ASB4: variants seen among roughly 807,000 people sequenced by gnomAD.
The protein encoded by ASB4 is ankyrin repeat and SOCS box protein 4.
ASB4 carries 35 observed loss-of-function variants against 38.6 expected under a neutral mutation model. That is an observed-to-expected ratio of 0.91 (90% CI 0.69 to 1.20). ASB4 has a LOEUF of 1.20. Among genes scored for constraint, ASB4 ranks in the 50% most tolerant of loss-of-function variants. The probability of loss-of-function intolerance (pLI) is 0.00; values close to 1 mark genes in which losing one functional copy is unlikely to be tolerated. For missense variants in ASB4, 557 were observed against 527.2 expected (o/e 1.06, Z -0.55); for synonymous variants, 195 against 201.3 (o/e 0.97, Z 0.26).
At chr7:95,535,730 A>G (rs976172957) in intron 3 of ASB4, among the ~76,000 whole-genome samples, 12 of 152,216 alleles carry the variant, frequency 7.9e-5, no homozygotes, top group Non-Finnish European at 1.5e-4. Context: ...GAGTGTGCTA[A>G]GAGCTAACTG....
intron 1 of ASB4, among the ~76,000 whole-genome samples, chr7:95,479,028 C>G (rs1008333740): frequency 2.0e-5 from 3 of 152,180 alleles, no homozygotes; most frequent in African/African-American, 7.2e-5. Flanking sequence ...TCAGCAAGGT[C>G]TTCTGCCCTT....
At chr7:95,524,519 A>G (rs1394805557) in intron 2 of ASB4, among the ~76,000 whole-genome samples, 12 of 152,060 alleles carry the variant, frequency 7.9e-5, no homozygotes, top group Non-Finnish European at 1.5e-5. Flanking sequence ...GTACATATAT[A>G]TTTTATATAC....
intron 2 of ASB4, among the ~76,000 whole-genome samples, chr7:95,515,049 C>T (rs1392605032): frequency 1.3e-5 from 2 of 152,152 alleles, no homozygotes; most frequent in Non-Finnish European, 2.9e-5. Context: ...CAACTGTGGT[C>T]CTCCACACAC....
chr7:95,486,195 A>T (rs1261760574), intron 1 of ASB4, 37 bp downstream of exon 1: 2 of 1,539,862 alleles, frequency 1.3e-6, no homozygotes, highest in Non-Finnish European at 1.8e-6. Flanking sequence ...AACTGTTAGA[A>T]AATGATTTAA....
intron 2 of ASB4, among the ~76,000 whole-genome samples, chr7:95,500,568 C>T (rs1407087533): frequency 2.4e-5 from 1 of 41,014 alleles, no homozygotes; most frequent in Non-Finnish European, 4.4e-5. Flanking sequence ...AGATCTGTCT[C>T]AAAAAAAAAA....
intron 2 of ASB4, chr7:95,496,275 A>T (rs967597319): frequency 5.5e-5 from 26 of 470,740 alleles, no homozygotes; most frequent in African/African-American, 4.8e-4. Flanking sequence ...TCATTCATTT[A>T]CTCATTTACT....
chr7:95,537,624 G>A lies in ASB4; in HGVS notation c.1146G>A (p.Arg382=). 1 of 1,612,750 alleles carries A rather than the reference G, an allele frequency of 6.2e-7. No homozygotes were observed. Among genetic ancestry groups the A allele is most frequent in the Non-Finnish European group, 8.5e-7 (1 of 1,179,184 alleles). The change falls in exon 5 of 5, where the codon AGG becomes AGA. Residue 382 remains arginine (R), a synonymous_variant. Transcript: ENST00000325885. ...TTACTGTGTGCTGTAACTCTCCAAGGACTCTCATGCACTTATCGAGATGTG... is the reference window on the plus strand; with the variant it reads ...TTACTGTGTGCTGTAACTCTCCAAGAACTCTCATGCACTTATCGAGATGTG... ...SLFTVCCNSP[R]TLMHLSRCAI...
chr7:95,502,390 G>GT (rs796962857), intron 2 of ASB4, among the ~76,000 whole-genome samples: 9 of 107,150 alleles, frequency 8.4e-5, no homozygotes, highest in Admixed American at 3.8e-4. Flanking sequence ...GTACCAGCCT[G>GT]CGGGGGGGGG....
At chr7:95,536,323 T>C in intron 3 of ASB4, 114 bp from the exon 4 acceptor site, 1 of 623,938 alleles carries the variant, frequency 1.6e-6, no homozygotes, top group Non-Finnish European at 2.8e-6. Context: ...TAGCTGGGAT[T>C]ACAGGCACAT....
chr7:95,550,299 C>G, the ASB4 span, among the ~76,000 whole-genome samples: 1,886 of 152,218 alleles, frequency 0.012, 42 homozygotes, highest in African/African-American at 0.042. Flanking sequence ...CAGGCCCTGC[C>G]CACAGGGTTG....
intron 2 of ASB4, among the ~76,000 whole-genome samples, chr7:95,516,337 ATG>A (rs1325942762): frequency 6.6e-6 from 1 of 152,104 alleles, no homozygotes; most frequent in Non-Finnish European, 1.5e-5. Context: ...ATTTTAATCA[ATG>A]GTTTTTTGGA....
chr7:95,491,789 C>T (rs1790174797), intron 1 of ASB4, among the ~76,000 whole-genome samples: 1 of 152,212 alleles, frequency 6.6e-6, no homozygotes, highest in Non-Finnish European at 1.5e-5. Context: ...TTTACTTCCA[C>T]ACTTGCTACA....
the ASB4 span, among the ~76,000 whole-genome samples, chr7:95,470,869 A>G: frequency 1.3e-5 from 2 of 152,160 alleles, no homozygotes; most frequent in Non-Finnish European, 2.9e-5. Flanking sequence ...AAATTCTTTT[A>G]AGCCACCACC....
chr7:95,505,444 A>G (rs959617640), intron 2 of ASB4, among the ~76,000 whole-genome samples: 3 of 152,176 alleles, frequency 2.0e-5, no homozygotes, highest in Non-Finnish European at 4.4e-5. Context: ...AGACATTAAG[A>G]AGATACCATA....
chr7:95,517,974 G>T (rs748611858), intron 2 of ASB4, among the ~76,000 whole-genome samples: 2 of 152,174 alleles, frequency 1.3e-5, no homozygotes, highest in African/African-American at 2.4e-5. Flanking sequence ...AATTACTTGT[G>T]GAGCAATGTT....
At chr7:95,476,108 C>T (rs1312979428), upstream of ASB4, among the ~76,000 whole-genome samples, 1 of 152,172 alleles carries the variant, frequency 6.6e-6, no homozygotes, top group Non-Finnish European at 1.5e-5. Flanking sequence ...TTCTGGTCTG[C>T]CTTATTGTAT....
Position 95,515,621 on chromosome 7 carries a change from G to A in ASB4, c.488-12192G>A, listed in dbSNP as rs574222089. Among the ~76,000 whole-genome samples, 4 of 152,092 alleles carry A rather than the reference G, an allele frequency of 2.6e-5. No homozygotes were observed. In the South Asian group the frequency reaches 8.3e-4, roughly 32 times the overall value. On this transcript the variant is annotated intron_variant, in intron 2 of 4. Coordinates refer to ENST00000325885, the MANE Select transcript of ASB4 (RefSeq NM_016116.3). The stretch of plus-strand genomic sequence containing the variant: ...CATAGAGACGGGGTTTCCCCATGTT[G>A]ACCAGGATGGTCTCAATCTCTTGAC...
chr7:95,483,698 T>C (rs1328516726), upstream of ASB4, among the ~76,000 whole-genome samples: 1 of 152,188 alleles, frequency 6.6e-6, no homozygotes, highest in Admixed American at 6.5e-5. Flanking sequence ...TTAAATCTGT[T>C]AGTGAGCTAA....
rs912827751 is a variant in ASB4 at position 95,538,750 on chromosome 7, A to G, written c.*991A>G. 1.3e-5 allele frequency: 2 copies of G among 152,260 alleles called. No individual in the cohort carries two copies. The highest frequency in any genetic ancestry group is 2.4e-5 in the African/African-American group (1 of 41,546). 9.4% of individuals were successfully genotyped at this position (152,260 alleles called of 1,614,324 possible). On this transcript the variant is annotated 3_prime_UTR_variant, in exon 5 of 5. Transcript: ENST00000325885. ...CCTTGAGAAAAATATTGCACACTCA[A>G]TGGCTCCAGTGCATGTGACAAGGAA...
Sources: gnomAD v4.1 joint callset for allele counts (sites outside exome capture counted in the v4.1 genomes callset) on GRCh38, gnomAD v4.1.1 for gene constraint, MANE v1.5 for transcripts, NCBI Gene and HGNC (gene_info 2026-07-23, HGNC 2026-07-21) for gene names.